The following NCOA6 variants were observed in gnomAD, a reference collection of about 807,000 sequenced individuals.
NCOA6 encodes the protein NRC RAP250.
In NCOA6, 49 loss-of-function variants were observed where a neutral mutation model predicts 171.4. The ratio of observed to expected loss-of-function variants is 0.29; its 90% confidence interval spans 0.23 to 0.36. NCOA6 has a LOEUF of 0.36. Among genes scored for constraint, NCOA6 ranks in the 10% least tolerant of loss-of-function variants. NCOA6 has a pLI of 1.00. For missense variants in NCOA6, 2,248 were observed against 2,554.5 expected, an observed-to-expected ratio of 0.88 and a Z score of 2.59; for synonymous variants, 910 against 927.5, an observed-to-expected ratio of 0.98 and a Z score of 0.34.
intron 3 of NCOA6, among the ~76,000 whole-genome samples, chr20:34,777,367 C>A (rs2077362062): frequency 6.6e-6 from 1 of 152,132 alleles, no homozygotes; most frequent in Non-Finnish European, 1.5e-5. Flanking sequence ...ATAATCCCAG[C>A]ACTTTGGGAG....
At chr20:34,760,610 G>A (rs1241309791) in intron 5 of NCOA6, among the ~76,000 whole-genome samples, 2 of 152,042 alleles carry the variant, frequency 1.3e-5, no homozygotes, top group African/African-American at 4.8e-5. Context: ...AACCATCTGG[G>A]CCTATAGGTC....
intron 1 of NCOA6, among the ~76,000 whole-genome samples, chr20:34,824,331 T>C (rs545391925): frequency 6.6e-6 from 1 of 152,354 alleles, no homozygotes; most frequent in Non-Finnish European, 1.5e-5. Context: ...TGCCACTAAC[T>C]TGTAAGATCT....
intron 12 of NCOA6, among the ~76,000 whole-genome samples, chr20:34,734,413 G>A (rs1295941464): frequency 2.0e-5 from 3 of 152,064 alleles, no homozygotes; most frequent in Non-Finnish European, 2.9e-5. Flanking sequence ...AGGCTGGAGT[G>A]CAATGGGATC....
intron 4 of NCOA6, among the ~76,000 whole-genome samples, chr20:34,771,182 A>C (rs1255146217): frequency 1.3e-5 from 2 of 152,182 alleles, no homozygotes; most frequent in Non-Finnish European, 2.9e-5. Context: ...CAGTGGTGAG[A>C]TCACAGTTCA....
Position 34,757,905 on chromosome 20 carries a change from C to CTGTTGCTGT in NCOA6, c.834_842dup (p.Gln283_Gln285dup), listed in dbSNP as rs770025994. The CTGTTGCTGT allele has an allele frequency of 9.3e-6, 15 of 1,613,842 alleles. No homozygotes were observed. The African/African-American group carries it at 1.6e-4, about 17-fold the overall frequency. ...GTCTTGCCTGCAACTGTTGTTGCTG[C>CTGTTGCTGT]TGTTGCTGTTGTTGCTGCTGCTGCT... On this transcript the variant is annotated inframe_insertion, in exon 7 of 15. Transcript: ENST00000359003.
chr20:34,822,832 ATC>A (rs1568911410), intron 1 of NCOA6, among the ~76,000 whole-genome samples: 2 of 152,176 alleles, frequency 1.3e-5, no homozygotes, highest in Non-Finnish European at 2.9e-5. Context: ...GGAGAAAAAA[ATC>A]TCTTTTACTA....
intron 14 of NCOA6, among the ~76,000 whole-genome samples, chr20:34,724,035 T>G (rs535337691): frequency 3.3e-5 from 5 of 152,202 alleles, no homozygotes; most frequent in African/African-American, 9.6e-5. Context: ...GATTTTCCCA[T>G]AGAACTCTAG....
chr20:34,755,985 C>A (rs2076629564), intron 7 of NCOA6, among the ~76,000 whole-genome samples: 1 of 152,198 alleles, frequency 6.6e-6, no homozygotes, highest in South Asian at 2.1e-4. Context: ...TATCTGCCCG[C>A]CTTGGCCTCC....
chr20:34,801,708 T>C (rs986475754), intron 1 of NCOA6, among the ~76,000 whole-genome samples: 4 of 151,870 alleles, frequency 2.6e-5, no homozygotes, highest in Non-Finnish European at 5.9e-5. Flanking sequence ...CTACTAAAAA[T>C]ACAAAAATTA....
At chr20:34,753,877 A>C (rs1286402344) in intron 8 of NCOA6, among the ~76,000 whole-genome samples, 1 of 152,150 alleles carries the variant, frequency 6.6e-6, no homozygotes, top group East Asian at 1.9e-4. Flanking sequence ...TAACTCCAGG[A>C]GGGATGGGAA....
In NCOA6 at chr20:34,757,789, T is replaced by C; in HGVS notation, c.959A>G (p.Gln320Arg). Residue 320 changes from glutamine to arginine, a missense_variant, in exon 7 of 15, where the codon CAG (glutamine) becomes CGG (arginine). This residue lies in a region of NCOA6 where 987 missense variants were observed against 1,104.7 expected (regional missense o/e 0.89). Transcript: ENST00000359003. Reference sequence around the variant, plus strand: ...AGGTTGAAGGGCTCCAGAAGGCAGCTGGTTCCAGCCTGGAGGAACAGGCAC... The same window carrying C: ...AGGTTGAAGGGCTCCAGAAGGCAGCCGGTTCCAGCCTGGAGGAACAGGCAC... Reference protein sequence around the residue: ...TQVPVPPGWNQLPSGALQPPP... With the variant: ...TQVPVPPGWNRLPSGALQPPP... 1 of 1,614,168 alleles carries C rather than the reference T, an allele frequency of 6.2e-7. No individual in the cohort carries two copies. Among genetic ancestry groups the C allele is most frequent in the South Asian group, 1.1e-5 (1 of 91,090 alleles).
intron 1 of NCOA6, among the ~76,000 whole-genome samples, chr20:34,803,996 A>C (rs1317120804): frequency 6.6e-6 from 1 of 150,880 alleles, no homozygotes; most frequent in Non-Finnish European, 1.5e-5. Context: ...AAAAAACAAA[A>C]AACCGTCATC....
rs769540010 is a variant in NCOA6, at chr20:34,742,092, C to T, written c.4164G>A (p.Gly1388=). ...TCAGCCCACTGTTGTTAGGAAAGCT[C>T]CCAGGTACAGGGGGATTGGCCAGAG... ...PTPLANPPVP[G]SFPNNSGLNP... The change falls in exon 11 of 15, where the codon GGG becomes GGA. Residue 1388 remains glycine, a synonymous_variant. Coordinates refer to ENST00000359003, the MANE Select transcript of NCOA6 (RefSeq NM_014071.5). 8.1e-6 allele frequency: 13 copies of T among 1,614,054 alleles called. No homozygotes were observed. The highest frequency in any genetic ancestry group is 1.1e-5 in the Non-Finnish European group (13 of 1,180,040).
intron 13 of NCOA6, among the ~76,000 whole-genome samples, chr20:34,732,029 G>C (rs1392054320): frequency 6.6e-6 from 1 of 152,138 alleles, no homozygotes; most frequent in African/African-American, 2.4e-5. Context: ...TCCAAAAAAA[G>C]GCATGACTTT....
intron 7 of NCOA6, among the ~76,000 whole-genome samples, chr20:34,755,393 T>C (rs1194145240): frequency 6.6e-6 from 1 of 152,184 alleles, no homozygotes; most frequent in Non-Finnish European, 1.5e-5. Flanking sequence ...ATTATTGCGC[T>C]TGTCTCTTTG....
chr20:34,738,142 A>G (rs1457637132), intron 11 of NCOA6, among the ~76,000 whole-genome samples: 1 of 152,070 alleles, frequency 6.6e-6, no homozygotes, highest in African/African-American at 2.4e-5. Context: ...GGCTCAAGTG[A>G]TCCACCAGCC....
intron 2 of NCOA6, among the ~76,000 whole-genome samples, chr20:34,789,953 G>A (rs949542739): frequency 2.0e-5 from 3 of 151,546 alleles, no homozygotes; most frequent in Non-Finnish European, 4.4e-5. Context: ...AAGAAAGGCC[G>A]GGCGGGCACA....
At position 34,749,410 on chromosome 20, in the gene NCOA6, C is replaced by A. The variant is rs2145694543; in HGVS notation, c.2785G>T (p.Asp929Tyr). 1.9e-6 allele frequency: 3 copies of A among 1,601,768 alleles called. No individual in the cohort carries two copies. Among genetic ancestry groups the A allele is most frequent in the East Asian group, 2.2e-5 (1 of 44,604 alleles). ...AAAACCATCACAACCTACTTTAGAT[C>A]TTGCTGACTATTTTTCTTCTTCCGA... ...PPRKKKNSQQ[D>Y]LNTPDTRPAG... Residue 929 changes from aspartate to tyrosine, a missense_variant, in exon 9 of 15, where the codon GAT becomes TAT. By Grantham distance (160) the Asp-to-Tyr change is radical (BLOSUM62 -3). Transcript: ENST00000359003.
chr20:34,741,167 C>T lies in NCOA6; in HGVS notation c.5089G>A (p.Val1697Ile). ...TTCTGAGGTATGTGTAAAGGGCCAACAACTGCAACAGAGGGAGGCATCAGG... is the reference window on the plus strand; with the variant it reads ...TTCTGAGGTATGTGTAAAGGGCCAATAACTGCAACAGAGGGAGGCATCAGG... The part of the protein sequence containing the change: ...SGLMPPSVAV[V>I]GPLHIPQNIK... The change falls in exon 11 of 15, where the codon GTT (valine) becomes ATT (isoleucine). Residue 1697 changes from valine (V) to isoleucine (I), a missense_variant. Physicochemically the swap from Val to Ile is conservative, Grantham distance 29. Around this residue, in one of 7 missense-constraint regions of NCOA6, gnomAD observed 884 missense variants for 941.9 expected, o/e 0.94. Coordinates refer to ENST00000359003, the MANE Select transcript of NCOA6 (RefSeq NM_014071.5). The T allele has an allele frequency of 6.2e-7, 1 of 1,614,212 alleles. No homozygotes were observed.
Sources: gnomAD v4.1 joint callset for allele counts (sites outside exome capture counted in the v4.1 genomes callset) on GRCh38, gnomAD v4.1.1 for gene constraint, gnomAD v4.1.1 regional missense constraint, MANE v1.5 for transcripts, NCBI Gene and HGNC (gene_info 2026-07-23, HGNC 2026-07-21) for gene names.